VAV3: variants seen among roughly 807,000 people sequenced by gnomAD.
The protein encoded by VAV3 is vav guanine nucleotide exchange factor 3, also known as guanine nucleotide exchange factor VAV3.
Under a neutral mutation model 131.2 loss-of-function variants are expected in VAV3, and 94 were observed. The ratio of observed to expected loss-of-function variants is 0.72; its 90% CI spans 0.61 to 0.85. The LOEUF is 0.85. VAV3 is among the 40% of genes least tolerant of loss of function. The probability of loss-of-function intolerance (pLI) is 0.00; values close to 1 mark genes in which losing one functional copy is unlikely to be tolerated. For missense variants in VAV3, 939 were observed against 1,002.7 expected, an observed-to-expected ratio of 0.94 and a Z score of 0.86; for synonymous variants, 349 against 342.0, an observed-to-expected ratio of 1.02 and a Z score of -0.22.
At chr1:107,587,541 G>A (rs899084529) in intron 25 of VAV3, among the ~76,000 whole-genome samples, 1 of 152,128 alleles carries the variant, frequency 6.6e-6, no homozygotes, top group African/African-American at 2.4e-5. Context: ...TAACTGCATT[G>A]AGACCAGTTA....
At chr1:107,927,184 C>T (rs115378881) in intron 1 of VAV3, among the ~76,000 whole-genome samples, 5,064 of 152,072 alleles carry the variant, frequency 0.033, 116 homozygotes, top group South Asian at 0.13. Flanking sequence ...TTTCTAGACA[C>T]ACCCTGGGCC....
intron 2 of VAV3, among the ~76,000 whole-genome samples, chr1:107,818,896 T>C (rs1667672154): frequency 6.6e-6 from 1 of 152,110 alleles, no homozygotes; most frequent in Non-Finnish European, 1.5e-5. Context: ...CCTCACTCAA[T>C]TGCCTGACTT....
chr1:107,944,367 G>T (rs1327375160), intron 1 of VAV3, among the ~76,000 whole-genome samples: 1 of 152,082 alleles, frequency 6.6e-6, no homozygotes, highest in Non-Finnish European at 1.5e-5. Context: ...AGACCCAGAA[G>T]AAACTAAGTT....
At chr1:107,733,964 G>C (rs541513159) in intron 15 of VAV3, among the ~76,000 whole-genome samples, 1 of 152,150 alleles carries the variant, frequency 6.6e-6, no homozygotes, top group African/African-American at 2.4e-5. Flanking sequence ...CAGAGAGAAA[G>C]GTCAGGTTAC....
intron 12 of VAV3, among the ~76,000 whole-genome samples, chr1:107,755,208 T>C (rs1391863073): frequency 2.0e-5 from 3 of 151,718 alleles, no homozygotes; most frequent in Admixed American, 6.6e-5. Flanking sequence ...AGAGGCAGAG[T>C]GTGACTAAGG....
At chr1:107,702,973 C>G (rs1438855417) in intron 17 of VAV3, among the ~76,000 whole-genome samples, 1 of 152,122 alleles carries the variant, frequency 6.6e-6, no homozygotes, top group Non-Finnish European at 1.5e-5. Context: ...ATTCCCCAAG[C>G]TCACATAGCT....
intron 15 of VAV3, among the ~76,000 whole-genome samples, chr1:107,730,571 T>A (rs1250904149): frequency 6.6e-6 from 1 of 152,218 alleles, no homozygotes; most frequent in East Asian, 1.9e-4. Flanking sequence ...ATAAATTAAC[T>A]TGTAAATTAA....
At chr1:107,661,693 T>G (rs1416538218) in intron 19 of VAV3, among the ~76,000 whole-genome samples, 5 of 152,216 alleles carry the variant, frequency 3.3e-5, no homozygotes, top group Non-Finnish European at 5.9e-5. Flanking sequence ...TAAAATAATT[T>G]TAACAAAATT....
intron 1 of VAV3, 62 bp downstream of exon 1, chr1:107,964,604 T>A: frequency 6.5e-7 from 1 of 1,550,330 alleles, no homozygotes; most frequent in Non-Finnish European, 8.8e-7. Flanking sequence ...CACAAAGAAA[T>A]TAGCCGCATG....
At position 107,960,209 on chromosome 1, in the gene VAV3, T is replaced by C. The variant is rs117318448; in HGVS notation, c.204+4457A>G. Among the ~76,000 whole-genome samples the C allele has an allele frequency of 7.2e-5, 11 of 152,302 alleles. No individual in the cohort carries two copies. In the East Asian group the frequency reaches 1.9e-3, roughly 27 times the overall value. On this transcript the variant is annotated intron_variant, in intron 1 of 26. Transcript: ENST00000370056. ...AGGGCTGGGCGTGGCAGCTCATGCC[T>C]GTAATCCTAACACTTTGGGAGGCCA...
intron 2 of VAV3, among the ~76,000 whole-genome samples, chr1:107,810,138 C>A (rs1667250230): frequency 6.6e-6 from 1 of 152,094 alleles, no homozygotes; most frequent in South Asian, 2.1e-4. Flanking sequence ...TTGGGTAAAT[C>A]CTAGAGATAC....
At chr1:107,598,575 A>C (rs147893457) in intron 24 of VAV3, among the ~76,000 whole-genome samples, 52 of 152,278 alleles carry the variant, frequency 3.4e-4, no homozygotes, top group African/African-American at 1.2e-3. Context: ...TGAAGCAAGA[A>C]ATTTGTAATC....
chr1:107,807,318 C>T (rs549515408), intron 2 of VAV3, among the ~76,000 whole-genome samples: 14 of 152,250 alleles, frequency 9.2e-5, no homozygotes, highest in Non-Finnish European at 1.3e-4. Flanking sequence ...CAGTTAGGCT[C>T]AGTATTTAGA....
intron 25 of VAV3, among the ~76,000 whole-genome samples, chr1:107,585,516 C>T (rs935964834): frequency 6.6e-6 from 1 of 152,170 alleles, no homozygotes; most frequent in Non-Finnish European, 1.5e-5. Flanking sequence ...GCCTCACTTA[C>T]CCCTTGAACC....
intron 1 of VAV3, among the ~76,000 whole-genome samples, chr1:107,952,468 T>TTATTTATATATA (rs1553235443): frequency 8.4e-6 from 1 of 119,028 alleles, no homozygotes; most frequent in African/African-American, 3.5e-5. Context: ...TAACAAAACT[T>TTATTTATATATA]TATATATATA....
In VAV3 at chr1:107,885,881, G is replaced by A. The variant is rs1019242763; in HGVS notation, c.205-10864C>T. Among the ~76,000 whole-genome samples, 7 of 152,182 alleles carry A rather than the reference G, an allele frequency of 4.6e-5. No individual in the cohort carries two copies. The East Asian group carries it at 1.3e-3, about 29-fold the overall frequency. ...CAAACTAGGGAGCTGGGAGCTACAG[G>A]TTCTTTCCTGAAGGGGATGATAATC... On this transcript the variant is annotated intron_variant, in intron 1 of 26. Coordinates refer to ENST00000370056, the MANE Select transcript of VAV3 (RefSeq NM_006113.5).
intron 19 of VAV3, among the ~76,000 whole-genome samples, chr1:107,677,457 G>A (rs1397525001): frequency 6.6e-6 from 1 of 151,994 alleles, no homozygotes; most frequent in African/African-American, 2.4e-5. Flanking sequence ...CATTACAATG[G>A]CATATCCTTC....
chr1:107,919,255 T>C (rs571261129), intron 1 of VAV3, among the ~76,000 whole-genome samples: 2 of 152,358 alleles, frequency 1.3e-5, no homozygotes, highest in South Asian at 4.1e-4. Flanking sequence ...TCAAATTCAC[T>C]ATGGAACTAT....
chr1:107,852,102 G>A (rs1396000265), intron 2 of VAV3, among the ~76,000 whole-genome samples: 1 of 152,144 alleles, frequency 6.6e-6, no homozygotes, highest in Non-Finnish European at 1.5e-5. Flanking sequence ...ACTGAGGCCA[G>A]AGGAATGACT....
Sources: allele counts gnomAD v4.1 joint callset (sites outside exome capture counted in the v4.1 genomes callset), GRCh38; gene constraint gnomAD v4.1.1; transcripts MANE v1.5; gene names NCBI Gene and HGNC (gene_info 2026-07-23, HGNC 2026-07-21).